SEPTIN14: variants seen among roughly 807,000 people sequenced by gnomAD.
The protein encoded by SEPTIN14 is septin 14.
A neutral mutation model predicts 53.6 loss-of-function variants in SEPTIN14; 40 were observed. The ratio of observed to expected loss-of-function variants is 0.75; its 90% confidence interval spans 0.58 to 0.97. The LOEUF (loss-of-function observed/expected upper bound fraction) is 0.97, where lower values mean the gene tolerates loss of function less well. SEPTIN14 is among the 50% of genes least tolerant of loss of function. SEPTIN14 has a pLI of 0.00. For missense variants in SEPTIN14, 471 were observed against 508.2 expected (o/e 0.93, Z 0.70); for synonymous variants, 138 against 166.8 (o/e 0.83, Z 1.33).
intron 9 of SEPTIN14, among the ~76,000 whole-genome samples, chr7:55,799,390 C>T (rs1246792457): frequency 6.6e-6 from 1 of 150,516 alleles, no homozygotes; most frequent in Non-Finnish European, 1.5e-5. Flanking sequence ...TTGTAGTGGG[C>T]ACCTGTAGTC....
intron 3 of SEPTIN14, among the ~76,000 whole-genome samples, chr7:55,845,248 C>A (rs371806879): frequency 5.3e-5 from 8 of 152,136 alleles, no homozygotes; most frequent in South Asian, 2.1e-4. Context: ...TCATCCTTAG[C>A]AAACCATCAG....
At chr7:55,838,437 CCA>C (rs201690318) in intron 5 of SEPTIN14, among the ~76,000 whole-genome samples, 1,675 of 152,070 alleles carry the variant, frequency 0.011, 19 homozygotes, top group African/African-American at 0.03. Flanking sequence ...CCCCCATTTT[CCA>C]CAGTTTCTCT....
chr7:55,806,124 G>A (rs1788605805), intron 8 of SEPTIN14, among the ~76,000 whole-genome samples: 1 of 151,916 alleles, frequency 6.6e-6, no homozygotes, highest in African/African-American at 2.4e-5. Context: ...AGCCTCCCGA[G>A]TTAACTGGGA....
At chr7:55,830,110 G>A (rs868085882) in intron 6 of SEPTIN14, among the ~76,000 whole-genome samples, 13 of 146,876 alleles carry the variant, frequency 8.9e-5, no homozygotes, top group African/African-American at 2.0e-4. Context: ...CCCGGGAGGC[G>A]GAGCTTGCAG....
intron 6 of SEPTIN14, among the ~76,000 whole-genome samples, chr7:55,832,199 TCAAA>T (rs1562713876): frequency 1.0e-5 from 1 of 97,456 alleles, no homozygotes; most frequent in African/African-American, 4.2e-5. Flanking sequence ...AGACTCTGTC[TCAAA>T]CACACACACA....
chr7:55,806,658 T>C (rs1788615482), intron 8 of SEPTIN14, among the ~76,000 whole-genome samples: 1 of 151,556 alleles, frequency 6.6e-6, no homozygotes, highest in African/African-American at 2.4e-5. Context: ...ACACAGGGTT[T>C]TACCATGTTG....
intron 6 of SEPTIN14, among the ~76,000 whole-genome samples, chr7:55,830,063 A>C (rs111550755): frequency 0.064 from 9,447 of 148,558 alleles, 676 homozygotes; most frequent in African/African-American, 0.18. Flanking sequence ...CTATAGTCCC[A>C]GCTACTCAGG....
At chr7:55,845,521 T>G (rs1309957578) in intron 3 of SEPTIN14, among the ~76,000 whole-genome samples, 2 of 152,108 alleles carry the variant, frequency 1.3e-5, no homozygotes, top group African/African-American at 4.8e-5. Context: ...ATTGTATATT[T>G]CAAAATAATC....
intron 2 of SEPTIN14, among the ~76,000 whole-genome samples, chr7:55,855,570 T>G (rs1789606928): frequency 6.6e-6 from 1 of 152,094 alleles, no homozygotes; most frequent in South Asian, 2.1e-4. Flanking sequence ...TTTCTTTTCT[T>G]TTTGAGACAG....
intron 2 of SEPTIN14, among the ~76,000 whole-genome samples, chr7:55,849,843 T>G (rs1385338072): frequency 6.6e-6 from 1 of 152,100 alleles, no homozygotes; most frequent in Admixed American, 6.6e-5. Context: ...GATAACAAAA[T>G]TAGACTACTG....
Position 55,857,076 on chromosome 7 carries a change from A to T in SEPTIN14, c.54+4867T>A, listed in dbSNP as rs1021218789. On this transcript the variant is annotated intron_variant, in intron 2 of 9. Coordinates refer to ENST00000388975, the MANE Select transcript of SEPTIN14 (RefSeq NM_207366.3). ...CAGAGCGAGACTCTATCTCAAATTTAAAAAAAAGAAAACAGGATGGGCGTG... is the reference window on the plus strand; with the variant it reads ...CAGAGCGAGACTCTATCTCAAATTTTAAAAAAAGAAAACAGGATGGGCGTG... Among the ~76,000 whole-genome samples the T allele has an allele frequency of 1.3e-4, 19 of 151,386 alleles. No homozygotes were observed. In the South Asian group the frequency reaches 2.9e-3, roughly 23 times the overall value.
At chr7:55,807,407 TG>T (rs1277718376) in intron 7 of SEPTIN14, 149 bp from the exon 8 acceptor site, 1 of 572,544 alleles carries the variant, frequency 1.7e-6, no homozygotes, top group Non-Finnish European at 3.0e-6. Context: ...CTTTTAAGCA[TG>T]TAAGTGTGGT....
intron 2 of SEPTIN14, among the ~76,000 whole-genome samples, chr7:55,857,373 G>A (rs1042993967): frequency 2.3e-4 from 33 of 144,204 alleles, no homozygotes; most frequent in Admixed American, 2.0e-3. Context: ...ACTCTGTCTC[G>A]AAAAGAAAAG....
At chr7:55,829,980 T>C (rs895047946) in intron 6 of SEPTIN14, among the ~76,000 whole-genome samples, 13 of 151,522 alleles carry the variant, frequency 8.6e-5, no homozygotes, top group South Asian at 2.1e-4. Flanking sequence ...AGATCGAGAC[T>C]ATCCTGGCTA....
intron 9 of SEPTIN14, among the ~76,000 whole-genome samples, chr7:55,802,996 G>A (rs1195949056): frequency 1.3e-5 from 2 of 151,102 alleles, no homozygotes; most frequent in Non-Finnish European, 2.9e-5. Context: ...AGAGTGCAGT[G>A]GTGCAATCTG....
chr7:55,836,646 G>A (rs868665694), intron 5 of SEPTIN14, among the ~76,000 whole-genome samples: 40 of 152,246 alleles, frequency 2.6e-4, no homozygotes, highest in African/African-American at 9.4e-4. Flanking sequence ...GCTGAGGCAG[G>A]AGAATCGCTT....
At chr7:55,840,625 T>C (rs1789293444) in intron 5 of SEPTIN14, among the ~76,000 whole-genome samples, 1 of 152,168 alleles carries the variant, frequency 6.6e-6, no homozygotes, top group Non-Finnish European at 1.5e-5. Flanking sequence ...ACCTTGATCT[T>C]GGACTTCTGT....
At position 55,823,988 on chromosome 7, in the gene SEPTIN14, G is replaced by A. The variant is rs1393427380; in HGVS notation, c.721-4765C>T. Among the ~76,000 whole-genome samples the A allele has an allele frequency of 2.0e-5, 3 of 151,478 alleles. No homozygotes were observed. The South Asian group carries it at 6.2e-4, about 31-fold the overall frequency. ...TCACTGCAACCTCTGCCTCAACAAG[G>A]TAAATTCTTTTATGCCTGCACCACC... On this transcript the variant is annotated intron_variant, in intron 6 of 9. Coordinates refer to ENST00000388975, the MANE Select transcript of SEPTIN14 (RefSeq NM_207366.3).
chr7:55,859,732 G>C (rs1044971643), intron 2 of SEPTIN14, among the ~76,000 whole-genome samples: 4 of 151,544 alleles, frequency 2.6e-5, no homozygotes, highest in African/African-American at 9.7e-5. Flanking sequence ...CCCACTACTG[G>C]GTATATACCC....
Sources: allele counts gnomAD v4.1 joint callset (sites outside exome capture counted in the v4.1 genomes callset), GRCh38; gene constraint gnomAD v4.1.1; transcripts MANE v1.5; gene names NCBI Gene and HGNC (gene_info 2026-07-23, HGNC 2026-07-21).